The following HTR2C variants were observed in gnomAD, a reference collection of about 807,000 sequenced individuals.
HTR2C encodes 5-hydroxytryptamine (serotonin) receptor 2C, G protein-coupled.
A neutral mutation model predicts 21.0 loss-of-function variants in HTR2C; 5 were observed. The ratio of observed to expected loss-of-function variants is 0.24; its 90% CI spans 0.12 to 0.50. HTR2C has a LOEUF of 0.50. HTR2C is among the 20% of genes least tolerant of loss of function. The pLI is 0.98. For synonymous variants in HTR2C, 150 were observed against 145.3 expected (o/e 1.03, Z -0.23); for missense variants, 271 against 371.2 (o/e 0.73, Z 2.22).
intron 2 of HTR2C, among the ~76,000 whole-genome samples, chrX:114,706,673 C>T (rs1932775802): frequency 9.4e-6 from 1 of 106,687 alleles, no homozygotes. Flanking sequence ...AACTAACCTA[C>T]ACATTGTACA....
chrX:114,805,834 C>CA (rs2070410660), intron 4 of HTR2C, among the ~76,000 whole-genome samples: 3 of 75,195 alleles, frequency 4.0e-5, no homozygotes, highest in East Asian at 8.4e-4. Flanking sequence ...CATATATATA[C>CA]CATATATACC....
At chrX:114,811,319 T>C (rs1188545641) in intron 4 of HTR2C, among the ~76,000 whole-genome samples, 1 of 110,206 alleles carries the variant, frequency 9.1e-6, no homozygotes, top group African/African-American at 3.3e-5. Flanking sequence ...ATGGTTTCCC[T>C]CAGACCCCAC....
chrX:114,595,493 G>C (rs1424662465), intron 1 of HTR2C, among the ~76,000 whole-genome samples: 2 of 110,110 alleles, frequency 1.8e-5, no homozygotes, highest in African/African-American at 6.6e-5. Context: ...AAAGTGCTGG[G>C]ATTGCAAGCA....
chrX:114,611,645 A>G (rs1928735627), intron 1 of HTR2C, among the ~76,000 whole-genome samples: 1 of 112,737 alleles, frequency 8.9e-6, no homozygotes, highest in Non-Finnish European at 1.9e-5. Context: ...ATTTATAAAT[A>G]CTAAATGTAT....
chrX:114,645,259 G>A (rs1261734227), intron 2 of HTR2C, among the ~76,000 whole-genome samples: 1 of 110,564 alleles, frequency 9.0e-6, no homozygotes, highest in Non-Finnish European at 1.9e-5. Flanking sequence ...AGTTGTGACA[G>A]GAATGTAAAA....
At chrX:114,812,115 A>G (rs1556452901) in intron 4 of HTR2C, among the ~76,000 whole-genome samples, 1 of 107,327 alleles carries the variant, frequency 9.3e-6, no homozygotes, top group African/African-American at 3.4e-5. Flanking sequence ...CCCCCACAAC[A>G]GGACCCAGTG....
At chrX:114,682,856 T>C (rs781993200) in intron 2 of HTR2C, among the ~76,000 whole-genome samples, 7 of 111,905 alleles carry the variant, frequency 6.3e-5, no homozygotes, top group Non-Finnish European at 1.3e-4. Context: ...AACAGTGTAA[T>C]GCATATAACT....
At chrX:114,778,907 T>C (rs1412964381) in intron 4 of HTR2C, among the ~76,000 whole-genome samples, 1 of 111,480 alleles carries the variant, frequency 9.0e-6, no homozygotes, top group Non-Finnish European at 1.9e-5. Flanking sequence ...CCCATTTTAA[T>C]TCTCTTTACT....
chrX:114,869,373 G>T (rs1444232128), intron 5 of HTR2C, among the ~76,000 whole-genome samples: 2 of 111,413 alleles, frequency 1.8e-5, no homozygotes, highest in African/African-American at 6.5e-5. Flanking sequence ...GGTATTGCTG[G>T]GTCAAATGGT....
chrX:114,657,790 G>T (rs368803799), intron 2 of HTR2C, among the ~76,000 whole-genome samples: 6 of 111,165 alleles, frequency 5.4e-5, no homozygotes, highest in African/African-American at 1.9e-4. Context: ...TTTTTTTAAG[G>T]TTCACAACTT....
intron 2 of HTR2C, among the ~76,000 whole-genome samples, chrX:114,688,043 G>A (rs147614546): frequency 0.013 from 1,402 of 111,055 alleles, 16 homozygotes; most frequent in African/African-American, 0.044. Flanking sequence ...ATTCACGGCC[G>A]AGCACGGTGG....
In HTR2C at chrX:114,656,066, G is replaced by T. The variant is rs1390792894; in HGVS notation, c.-80+42185G>T. On this transcript the variant is annotated intron_variant, in intron 2 of 5. Transcript: ENST00000276198. Reference sequence around the variant, plus strand: ...CAATAGTTTGTTCTTTTCTTTTGGTGCCTTCTGTAAAACTGGGGACCATTG... The same window carrying T: ...CAATAGTTTGTTCTTTTCTTTTGGTTCCTTCTGTAAAACTGGGGACCATTG... 4.5e-5 allele frequency among the ~76,000 whole-genome samples: 5 copies of T among 110,534 alleles called. No homozygotes were observed. In the Admixed American group the frequency reaches 4.8e-4, roughly 11 times the overall value.
intron 1 of HTR2C, among the ~76,000 whole-genome samples, chrX:114,585,399 T>G (rs1927348776): frequency 9.0e-6 from 1 of 111,028 alleles, no homozygotes; most frequent in Non-Finnish European, 1.9e-5. Flanking sequence ...TCTAAGTCAT[T>G]TGGTTACTGT....
At chrX:114,807,516 T>C (rs1269777981) in intron 4 of HTR2C, among the ~76,000 whole-genome samples, 3 of 34,052 alleles carry the variant, frequency 8.8e-5, no homozygotes, top group Non-Finnish European at 1.4e-4. Flanking sequence ...ACACCATATA[T>C]ATATATACCA....
In HTR2C at chrX:114,793,972, CAGAG is replaced by C. The variant is rs376441598; in HGVS notation, c.350-54019_350-54016del. On this transcript the variant is annotated intron_variant, in intron 4 of 5. Coordinates refer to ENST00000276198, the MANE Select transcript of HTR2C (RefSeq NM_000868.4). ...ATAAAATGGTGAGAATAGCGAGTAT[CAGAG>C]AGAGAGAGAGAAGTATGTACAGTGT... Among the ~76,000 whole-genome samples, 116 of 108,853 alleles carry C rather than the reference CAGAG, an allele frequency of 1.1e-3. 1 individual carries two copies. Among genetic ancestry groups the C allele is most frequent in the African/African-American group, 3.7e-3 (112 of 30,202 alleles). The allele number at this position is 108,853 out of a possible 115,157, so 94.5% of individuals were successfully genotyped here.
At chrX:114,682,358 G>A (rs955130779) in intron 2 of HTR2C, among the ~76,000 whole-genome samples, 2 of 111,252 alleles carry the variant, frequency 1.8e-5, no homozygotes, top group African/African-American at 6.5e-5. Flanking sequence ...ATTTTAAAAT[G>A]AGTAATACTA....
intron 4 of HTR2C, among the ~76,000 whole-genome samples, chrX:114,822,923 TGTG>T (rs781809409): frequency 8.0e-5 from 9 of 111,803 alleles, no homozygotes; most frequent in Admixed American, 5.7e-4. Flanking sequence ...TATTTTGTAA[TGTG>T]GTGGTCACAT....
rs782272640 is a variant in HTR2C, at chrX:114,726,914, G to T, written c.-23G>T. Reference sequence around the variant, plus strand: ...TTTCGTCTTCTCAATTTTAAACTTTGGTTGCTTAAGACTGAAGCAATCATG... The same window carrying T: ...TTTCGTCTTCTCAATTTTAAACTTTTGTTGCTTAAGACTGAAGCAATCATG... On this transcript the variant is annotated 5_prime_UTR_variant, in exon 3 of 6. Coordinates refer to ENST00000276198, the MANE Select transcript of HTR2C (RefSeq NM_000868.4). 2.7e-6 allele frequency: 3 copies of T among 1,092,373 alleles called. No individual in the cohort carries two copies. In the African/African-American group the frequency reaches 5.7e-5, roughly 21 times the overall value. 90.0% of individuals were successfully genotyped at this position (1,092,373 alleles called of 1,213,427 possible).
rs782543604 is a variant in HTR2C, at chrX:114,791,953, C to A, written c.350-56050C>A. On this transcript the variant is annotated intron_variant, in intron 4 of 5. Transcript: ENST00000276198. ...TGTAGTCACAATTCTTAGAACATGA[C>A]CATGTGCATCAGAATTTCTTGATTT... is the stretch of plus-strand genomic sequence containing the variant. Among the ~76,000 whole-genome samples, 64 of 111,458 alleles carry A rather than the reference C, an allele frequency of 5.7e-4. No individual in the cohort carries two copies. In the Middle Eastern group the frequency reaches 0.014, roughly 24 times the overall value.
Sources: gnomAD v4.1 joint callset for allele counts (sites outside exome capture counted in the v4.1 genomes callset) on GRCh38, gnomAD v4.1.1 for gene constraint, MANE v1.5 for transcripts, NCBI Gene and HGNC (gene_info 2026-07-23, HGNC 2026-07-21) for gene names.